Variants in RALA observed in about 807,000 individuals in gnomAD.
The protein encoded by RALA is ras-related protein Ral-A.
RALA carries 5 observed loss-of-function variants against 24.0 expected under a neutral mutation model. The ratio of observed to expected loss-of-function variants is 0.21; its 90% CI spans 0.11 to 0.44. The LOEUF (loss-of-function observed/expected upper bound fraction) is 0.44, where lower values mean the gene tolerates loss of function less well. RALA is among the 20% of genes least tolerant of loss of function. The pLI is 0.99. For missense variants in RALA, 95 were observed against 241.2 expected, an observed-to-expected ratio of 0.39 and a Z score of 4.01; for synonymous variants, 77 against 83.8, an observed-to-expected ratio of 0.92 and a Z score of 0.44.
intron 1 of RALA, among the ~76,000 whole-genome samples, chr7:39,636,724 A>G (rs912114106): frequency 1.3e-5 from 2 of 152,226 alleles, no homozygotes; most frequent in African/African-American, 4.8e-5. Flanking sequence ...AAGAGGTTTA[A>G]TTGACTCAGA....
chr7:39,629,607 T>G (rs1196306952), intron 1 of RALA, among the ~76,000 whole-genome samples: 1 of 149,886 alleles, frequency 6.7e-6, no homozygotes, highest in Non-Finnish European at 1.5e-5. Context: ...ATGTATTTAT[T>G]TATTTATTTT....
chr7:39,639,890 G>C (rs1436499936), intron 1 of RALA, among the ~76,000 whole-genome samples: 1 of 151,900 alleles, frequency 6.6e-6, no homozygotes, highest in Non-Finnish European at 1.5e-5. Context: ...AACCTCTTAT[G>C]CACATCTTTG....
Position 39,686,727 on chromosome 7 carries a change from G to T in RALA, c.60G>T (p.Val20=). The change falls in exon 2 of 5, where the codon GTG becomes GTT. Residue 20 remains valine, a synonymous_variant. Transcript: ENST00000005257. The part of the protein sequence containing the change: ...NSLALHKVIM[V]GSGGVGKSAL... Reference sequence around the variant, plus strand: ...TGGCTTTACACAAAGTCATCATGGTGGGCAGTGGTGGCGTGGGCAAGTCAG... The same window carrying T: ...TGGCTTTACACAAAGTCATCATGGTTGGCAGTGGTGGCGTGGGCAAGTCAG... 6.2e-7 allele frequency: 1 copy of T among 1,614,096 alleles called. No individual in the cohort carries two copies. Among genetic ancestry groups the T allele is most frequent in the Non-Finnish European group, 8.5e-7 (1 of 1,180,000 alleles).
intron 1 of RALA, among the ~76,000 whole-genome samples, chr7:39,684,115 G>C (rs1162792428): frequency 6.6e-6 from 1 of 152,126 alleles, no homozygotes; most frequent in East Asian, 1.9e-4. Context: ...AATTTTCACT[G>C]TTTTTGAGCA....
chr7:39,674,112 C>T (rs12669963), intron 1 of RALA, among the ~76,000 whole-genome samples: 1 of 151,680 alleles, frequency 6.6e-6, no homozygotes, highest in Admixed American at 6.6e-5. Context: ...GGTGGTCTTA[C>T]TCTGTAGCCC....
chr7:39,656,192 A>C (rs1792093629), intron 1 of RALA, among the ~76,000 whole-genome samples: 3 of 152,224 alleles, frequency 2.0e-5, no homozygotes, highest in African/African-American at 7.2e-5. Context: ...TGTAACTAGC[A>C]ATTCAAAATT....
At chr7:39,680,392 CA>C (rs1016335460) in intron 1 of RALA, among the ~76,000 whole-genome samples, 1 of 105,514 alleles carries the variant, frequency 9.5e-6, no homozygotes, top group East Asian at 2.1e-4. Context: ...AAAACAAAAA[CA>C]AAAAAAACAC....
At chr7:39,659,074 GT>G (rs1792142210) in intron 1 of RALA, among the ~76,000 whole-genome samples, 1 of 152,090 alleles carries the variant, frequency 6.6e-6, no homozygotes, top group Non-Finnish European at 1.5e-5. Flanking sequence ...GAGCCCAGGA[GT>G]TCCAGACCAG....
chr7:39,683,337 C>G (rs76643075), intron 1 of RALA, among the ~76,000 whole-genome samples: 1 of 152,162 alleles, frequency 6.6e-6, no homozygotes, highest in Non-Finnish European at 1.5e-5. Context: ...GTGTCTGGAG[C>G]GCTCTTCCCT....
At position 39,696,787 on chromosome 7, in the gene RALA, A is replaced by G. The variant is rs1348165152; in HGVS notation, c.426A>G (p.Ala142=). ...EDKRQVSVEE[A]KNRAEQWNVN... is the part of the protein sequence containing the mutation. ...AAAGACAGGTTTCTGTAGAAGAGGCAAAAAACAGAGCTGAGCAGTGGAATG... is the reference window on the plus strand; with the variant it reads ...AAAGACAGGTTTCTGTAGAAGAGGCGAAAAACAGAGCTGAGCAGTGGAATG... Residue 142 remains alanine (A), a synonymous_variant, in exon 4 of 5, where the codon GCA becomes GCG. Coordinates refer to ENST00000005257, the MANE Select transcript of RALA (RefSeq NM_005402.4). 8 of 1,613,912 alleles carry G rather than the reference A, an allele frequency of 5.0e-6. No homozygotes were observed. In the South Asian group the frequency reaches 8.8e-5, roughly 18 times the overall value.
At chr7:39,699,795 T>C (rs1792990964) in intron 4 of RALA, among the ~76,000 whole-genome samples, 1 of 152,132 alleles carries the variant, frequency 6.6e-6, no homozygotes, top group African/African-American at 2.4e-5. Context: ...TAAGCCACAG[T>C]TTATGCTTTT....
intron 1 of RALA, among the ~76,000 whole-genome samples, chr7:39,626,278 C>T (rs1434996887): frequency 6.6e-6 from 1 of 152,230 alleles, no homozygotes; most frequent in Non-Finnish European, 1.5e-5. Flanking sequence ...ATCTCCACAA[C>T]ACTTCTGCAA....
chr7:39,667,479 A>G (rs1792304800), intron 1 of RALA, among the ~76,000 whole-genome samples: 2 of 152,226 alleles, frequency 1.3e-5, no homozygotes, highest in Non-Finnish European at 2.9e-5. Context: ...GATGGTGCTG[A>G]TTGATGAAGC....
chr7:39,688,855 C>T (rs1202311248), intron 2 of RALA, among the ~76,000 whole-genome samples: 2 of 152,108 alleles, frequency 1.3e-5, no homozygotes, highest in Non-Finnish European at 2.9e-5. Flanking sequence ...ACTCACAGTT[C>T]CACAGGCTTA....
rs1248615848 is a variant in RALA at position 39,638,746 on chromosome 7, C to T, written c.-38+14921C>T. Among the ~76,000 whole-genome samples, 7 of 152,218 alleles carry T rather than the reference C, an allele frequency of 4.6e-5. 1 individual carries two copies. The highest frequency in any genetic ancestry group is 2.6e-4 in the Admixed American group (4 of 15,284). ...TAGGCATGAGCCACTGTGCCCAGGCCATCTTGTTTATCTGTTTATCAGTTG... is the reference window on the plus strand; with the variant it reads ...TAGGCATGAGCCACTGTGCCCAGGCTATCTTGTTTATCTGTTTATCAGTTG... On this transcript the variant is annotated intron_variant, in intron 1 of 4. Transcript: ENST00000005257.
intron 4 of RALA, chr7:39,703,339 G>A (rs576413092): frequency 6.6e-6 from 1 of 152,210 alleles, no homozygotes; most frequent in African/African-American, 2.4e-5. Flanking sequence ...AACCACTAGG[G>A]GCAAAAACCC....
At chr7:39,639,413 A>G (rs994405837) in intron 1 of RALA, among the ~76,000 whole-genome samples, 1 of 152,170 alleles carries the variant, frequency 6.6e-6, no homozygotes, top group Non-Finnish European at 1.5e-5. Flanking sequence ...TAAAAAAGAA[A>G]TGGCGGTGAT....
chr7:39,628,516 A>G (rs943242151), intron 1 of RALA, among the ~76,000 whole-genome samples: 2 of 152,130 alleles, frequency 1.3e-5, no homozygotes, highest in African/African-American at 4.8e-5. Flanking sequence ...TTTTTTTCAC[A>G]GCATCCCTAG....
chr7:39,650,200 G>C (rs116146066), intron 1 of RALA, among the ~76,000 whole-genome samples: 509 of 152,268 alleles, frequency 3.3e-3, no homozygotes, highest in African/African-American at 0.011. Context: ...TGGAAGCATC[G>C]GGCTTACTAG....
Sources: allele counts gnomAD v4.1 joint callset (sites outside exome capture counted in the v4.1 genomes callset), GRCh38; gene constraint gnomAD v4.1.1; transcripts MANE v1.5; gene names NCBI Gene and HGNC (gene_info 2026-07-23, HGNC 2026-07-21).